VIPR2: variants seen among roughly 807,000 people sequenced by gnomAD.
VIPR2 encodes the protein vasoactive intestinal peptide receptor 2.
A neutral mutation model predicts 58.0 loss-of-function variants in VIPR2; 48 were observed. That is an observed-to-expected ratio of 0.83 (90% CI 0.66 to 1.05). The LOEUF (loss-of-function observed/expected upper bound fraction) is 1.05. VIPR2 is among the 50% of genes least tolerant of loss of function. The pLI is 0.00. For synonymous variants in VIPR2, 243 were observed against 235.2 expected, an observed-to-expected ratio of 1.03 and a Z score of -0.30; for missense variants, 534 against 558.0, an observed-to-expected ratio of 0.96 and a Z score of 0.43.
intron 6 of VIPR2, among the ~76,000 whole-genome samples, chr7:159,039,477 AAAAACAAAAC>A (rs534378007): frequency 5.3e-5 from 8 of 152,284 alleles, no homozygotes; most frequent in African/African-American, 1.9e-4. Context: ...GTCTGTGTCA[AAAAACAAAAC>A]AAAACAAAAC....
intron 10 of VIPR2, 32 bp from the exon 11 acceptor site, chr7:159,032,099 C>G: frequency 6.2e-7 from 1 of 1,612,912 alleles, no homozygotes; most frequent in Non-Finnish European, 8.5e-7. Flanking sequence ...AGCTCAGCTG[C>G]TGGACCCTCG....
chr7:159,128,954 C>T lies in VIPR2; in HGVS notation c.151+13492G>A, dbSNP rs1056103696. On this transcript the variant is annotated intron_variant, in intron 2 of 12. Coordinates refer to ENST00000262178, the MANE Select transcript of VIPR2 (RefSeq NM_003382.5). The surrounding 1 kb of genome is among the most constrained non-coding windows in gnomAD (Gnocchi z 4.1). ...TTCAAGCTCCAGGGCAAAGCCAGCC[C>T]GAGCGCCAGTGTAAATGCACCCCCT... Among the ~76,000 whole-genome samples, 7 of 152,326 alleles carry T rather than the reference C, an allele frequency of 4.6e-5. No individual in the cohort carries two copies. The highest frequency in any genetic ancestry group is 7.2e-5 in the African/African-American group (3 of 41,568).
chr7:159,035,858 T>C, intron 8 of VIPR2, 94 bp downstream of exon 8: 1 of 1,526,796 alleles, frequency 6.5e-7, no homozygotes. Flanking sequence ...CTCCCTGTCC[T>C]TCCAACCAGG....
intron 4 of VIPR2, among the ~76,000 whole-genome samples, chr7:159,073,257 AAAG>A (rs1399631215): frequency 3.9e-5 from 6 of 152,366 alleles, no homozygotes; most frequent in Admixed American, 1.3e-4. Context: ...ATCAAGGATA[AAAG>A]AAGATCAGTT....
intron 2 of VIPR2, among the ~76,000 whole-genome samples, chr7:159,139,109 G>A (rs1797350953): frequency 1.3e-5 from 2 of 152,170 alleles, no homozygotes; most frequent in South Asian, 4.1e-4. Context: ...CCTTGCTTTA[G>A]GAGTTCATTC....
intron 2 of VIPR2, among the ~76,000 whole-genome samples, chr7:159,125,695 C>G (rs1344915081): frequency 6.6e-6 from 1 of 152,218 alleles, no homozygotes. Flanking sequence ...ATTTCCATCC[C>G]TGCCTTACTT....
At chr7:159,060,865 C>T (rs891371260) in intron 4 of VIPR2, among the ~76,000 whole-genome samples, 1 of 152,234 alleles carries the variant, frequency 6.6e-6, no homozygotes, top group African/African-American at 2.4e-5. Flanking sequence ...GAACTTAGAA[C>T]TACCATTCAA....
At position 159,029,501 on chromosome 7, in the gene VIPR2, T is replaced by C. The variant is rs1316787507; in HGVS notation, c.*1115A>G. On this transcript the variant is annotated 3_prime_UTR_variant, in exon 13 of 13. Coordinates refer to ENST00000262178, the MANE Select transcript of VIPR2 (RefSeq NM_003382.5). Reference sequence around the variant, plus strand: ...ACAGTTTTATATGTTGTTAAAATAATTCTTATCCTAAGATTATTTTTGTTA... The same window carrying C: ...ACAGTTTTATATGTTGTTAAAATAACTCTTATCCTAAGATTATTTTTGTTA... The C allele has an allele frequency of 1.3e-5, 2 of 152,250 alleles. No homozygotes were observed. The highest frequency in any genetic ancestry group is 4.8e-5 in the African/African-American group (2 of 41,468). 9.4% of individuals were successfully genotyped at this position (152,250 alleles called of 1,614,324 possible).
intron 5 of VIPR2, among the ~76,000 whole-genome samples, chr7:159,053,703 T>TA (rs1855138296): frequency 6.6e-6 from 1 of 152,176 alleles, no homozygotes; most frequent in South Asian, 2.1e-4. Flanking sequence ...CACGGCCAGC[T>TA]AATTTTAAAT....
In VIPR2 at chr7:159,112,312, G is replaced by T. The variant is rs145717909; in HGVS notation, c.152-2393C>A. ...AGGATGTGAGGAAGCGGACTCGAGG[G>T]CGTCAGGGCGCCGAGGCTGAGGTAG... is the stretch of plus-strand genomic sequence containing the variant. On this transcript the variant is annotated intron_variant, in intron 2 of 12. Coordinates refer to ENST00000262178, the MANE Select transcript of VIPR2 (RefSeq NM_003382.5). Among the ~76,000 whole-genome samples the T allele has an allele frequency of 3.8e-3, 574 of 152,326 alleles. 4 individuals are homozygous for T. Among genetic ancestry groups the T allele is most frequent in the African/African-American group, 0.013 (550 of 41,586 alleles).
intron 4 of VIPR2, among the ~76,000 whole-genome samples, chr7:159,063,227 C>G (rs551387971): frequency 1.3e-5 from 2 of 151,734 alleles, no homozygotes; most frequent in Admixed American, 6.5e-5. Flanking sequence ...CAGGAGTCCA[C>G]GGCGGGGTGG....
At chr7:159,135,003 A>ATTTTTTTTTTTTT (rs1797144053) in intron 2 of VIPR2, among the ~76,000 whole-genome samples, 3 of 89,134 alleles carry the variant, frequency 3.4e-5, no homozygotes, top group South Asian at 3.6e-4. Flanking sequence ...TAATTACAAA[A>ATTTTTTTTTTTTT]GTTTTTTTTT....
At chr7:159,091,472 T>G (rs1585467429) in intron 4 of VIPR2, among the ~76,000 whole-genome samples, 1 of 152,214 alleles carries the variant, frequency 6.6e-6, no homozygotes, top group Admixed American at 6.5e-5. Context: ...TGTGATATGA[T>G]GATGAAAGGA....
In VIPR2 at chr7:159,028,931, G is replaced by C. The variant is rs902605731; in HGVS notation, c.*1685C>G. The C allele has an allele frequency of 6.5e-6, 1 of 152,848 alleles. No individual in the cohort carries two copies. The highest frequency in any genetic ancestry group is 1.5e-5 in the Non-Finnish European group (1 of 68,516). The allele number at this position is 152,848 out of a possible 1,614,324, so 9.5% of individuals were successfully genotyped here. ...GTCCAGGGATGAGCTTGTTGCAGCA[G>C]AGGGGTGTGGCCGGCGTGGCCCAGG... On this transcript the variant is annotated 3_prime_UTR_variant, in exon 13 of 13. Transcript: ENST00000262178.
intron 2 of VIPR2, among the ~76,000 whole-genome samples, chr7:159,132,509 T>C (rs186436065): frequency 6.6e-6 from 1 of 152,368 alleles, no homozygotes; most frequent in African/African-American, 2.4e-5. Flanking sequence ...CAGGGAATTA[T>C]GGGTTCATCA....
rs914430949 is a variant in VIPR2 at position 159,097,279 on chromosome 7, C to T, written c.357+6478G>A. 118 of 1,355,498 alleles carry T rather than the reference C, an allele frequency of 8.7e-5. No individual in the cohort carries two copies. The South Asian group carries it at 1.0e-3, about 12-fold the overall frequency. The allele number at this position is 1,355,498 out of a possible 1,614,324, so 84.0% of individuals were successfully genotyped here. On this transcript the variant is annotated intron_variant, in intron 4 of 12. Coordinates refer to ENST00000262178, the MANE Select transcript of VIPR2 (RefSeq NM_003382.5). The surrounding 1 kb of genome is among the most constrained non-coding windows in gnomAD (Gnocchi z 5.3). ...CAGAGGCTTATTTTTAGGGATGTGG[C>T]GTAACACGGAAGAAATGTGTGCACT...
At chr7:159,106,975 A>G (rs1795770948) in intron 3 of VIPR2, among the ~76,000 whole-genome samples, 1 of 149,770 alleles carries the variant, frequency 6.7e-6, no homozygotes, top group African/African-American at 2.5e-5. Flanking sequence ...GTGCAGAGAG[A>G]GGCCATCCAG....
chr7:159,038,138 C>T (rs897807496), intron 6 of VIPR2, among the ~76,000 whole-genome samples: 1 of 152,100 alleles, frequency 6.6e-6, no homozygotes, highest in African/African-American at 2.4e-5. Context: ...TTCAATTTGG[C>T]CTCCGGGGTC....
chr7:159,090,938 C>G (rs1180462513), intron 4 of VIPR2, among the ~76,000 whole-genome samples: 2 of 118,226 alleles, frequency 1.7e-5, no homozygotes, highest in Non-Finnish European at 3.7e-5. Context: ...GACCTCAGCA[C>G]AGACACGCTG....
Sources: gnomAD v4.1 joint callset for allele counts (sites outside exome capture counted in the v4.1 genomes callset) on GRCh38, gnomAD v4.1.1 for gene constraint, Gnocchi (gnomAD v3.1) non-coding constraint, MANE v1.5 for transcripts, NCBI Gene and HGNC (gene_info 2026-07-23, HGNC 2026-07-21) for gene names.